The following PPFIA2 variants were observed in gnomAD, a reference collection of about 807,000 sequenced individuals.
PPFIA2 encodes the protein liprin-alpha-2.
A neutral mutation model predicts 175.5 loss-of-function variants in PPFIA2; 46 were observed. That is an observed-to-expected ratio of 0.26 (90% CI 0.21 to 0.34). PPFIA2 has a LOEUF of 0.34. Among genes scored for constraint, PPFIA2 ranks in the 10% least tolerant of loss-of-function variants. PPFIA2 has a pLI of 1.00. For missense variants in PPFIA2, 1,179 were observed against 1,506.1 expected, an observed-to-expected ratio of 0.78 and a Z score of 3.60; for synonymous variants, 568 against 511.4, an observed-to-expected ratio of 1.11 and a Z score of -1.49.
chr12:81,720,307 G>A (rs537713624), intron 3 of PPFIA2, among the ~76,000 whole-genome samples: 1 of 151,586 alleles, frequency 6.6e-6, no homozygotes, highest in African/African-American at 2.4e-5. Context: ...TGCTTTGGGG[G>A]AAAAATTGCT....
intron 4 of PPFIA2, among the ~76,000 whole-genome samples, chr12:81,501,488 T>C (rs747694304): frequency 8.5e-5 from 13 of 152,164 alleles, no homozygotes; most frequent in Non-Finnish European, 2.9e-5. Context: ...GTAAGCTCCA[T>C]GATACAGGCA....
intron 3 of PPFIA2, among the ~76,000 whole-genome samples, chr12:81,706,246 T>A (rs551177581): frequency 6.6e-6 from 1 of 152,180 alleles, no homozygotes; most frequent in Admixed American, 6.5e-5. Flanking sequence ...AGCATAAAAG[T>A]TTAACACTAT....
intron 4 of PPFIA2, among the ~76,000 whole-genome samples, chr12:81,654,993 G>A (rs2067554315): frequency 1.3e-5 from 2 of 152,026 alleles, no homozygotes; most frequent in Admixed American, 1.3e-4. Context: ...TTTCTTTTAT[G>A]TGAAGTATCA....
At chr12:81,502,003 G>A (rs1461405585) in intron 4 of PPFIA2, among the ~76,000 whole-genome samples, 5 of 152,124 alleles carry the variant, frequency 3.3e-5, no homozygotes, top group East Asian at 1.9e-4. Flanking sequence ...AAAAAGGGAC[G>A]TGCAGTTTTC....
chr12:81,486,233 C>T (rs1567023943), intron 4 of PPFIA2, among the ~76,000 whole-genome samples: 1 of 151,332 alleles, frequency 6.6e-6, no homozygotes, highest in African/African-American at 2.4e-5. Context: ...GAAATAGTGG[C>T]ACAAAGAGTT....
chr12:81,268,124 T>TTTTA, intron 28 of PPFIA2, 37 bp from the exon 29 acceptor site: 4 of 1,105,842 alleles, frequency 3.6e-6, no homozygotes, highest in South Asian at 1.6e-5. Context: ...GATGCATTAT[T>TTTTA]TTTCTTTCTT....
At chr12:81,551,781 A>C (rs2067970383) in intron 4 of PPFIA2, among the ~76,000 whole-genome samples, 1 of 151,966 alleles carries the variant, frequency 6.6e-6, no homozygotes, top group Non-Finnish European at 1.5e-5. Context: ...AAATAAGCAT[A>C]TTTATGTATC....
At chr12:81,679,711 T>C (rs2073245793) in intron 3 of PPFIA2, among the ~76,000 whole-genome samples, 2 of 151,956 alleles carry the variant, frequency 1.3e-5, no homozygotes, top group Admixed American at 6.6e-5. Flanking sequence ...AATCATTCAA[T>C]TGTAAAAAAA....
chr12:81,423,552 A>G (rs1338536849), intron 7 of PPFIA2, among the ~76,000 whole-genome samples: 1 of 152,200 alleles, frequency 6.6e-6, no homozygotes, highest in African/African-American at 2.4e-5. Flanking sequence ...ACATCTATTT[A>G]TGAAAAATAT....
intron 4 of PPFIA2, among the ~76,000 whole-genome samples, chr12:81,605,289 A>G (rs1232715499): frequency 6.6e-6 from 1 of 151,744 alleles, no homozygotes; most frequent in African/African-American, 2.4e-5. Flanking sequence ...TTAATTTTTG[A>G]TAAATGGTCA....
chr12:81,332,621 T>C (rs960291724), intron 21 of PPFIA2, among the ~76,000 whole-genome samples: 2 of 152,230 alleles, frequency 1.3e-5, no homozygotes, highest in Non-Finnish European at 2.9e-5. Context: ...TTCATTTATA[T>C]GGGATATCCT....
At chr12:81,685,733 G>A (rs1287883001) in intron 3 of PPFIA2, among the ~76,000 whole-genome samples, 1 of 152,028 alleles carries the variant, frequency 6.6e-6, no homozygotes, top group Non-Finnish European at 1.5e-5. Flanking sequence ...AGGGGTTGTG[G>A]TGTTAAATTT....
chr12:81,426,636 C>T, intron 7 of PPFIA2, among the ~76,000 whole-genome samples: 1 of 151,996 alleles, frequency 6.6e-6, no homozygotes, highest in Non-Finnish European at 1.5e-5. Context: ...AAAATTAAGT[C>T]AATTAATGTA....
intron 7 of PPFIA2, among the ~76,000 whole-genome samples, chr12:81,431,970 A>G (rs1257921524): frequency 6.6e-6 from 1 of 152,104 alleles, no homozygotes; most frequent in Non-Finnish European, 1.5e-5. Context: ...CTTTTGTAGC[A>G]CCATCTGTTT....
Position 81,362,420 on chromosome 12 carries a change from A to C in PPFIA2, c.1637+273T>G, listed in dbSNP as rs1447452328. Among the ~76,000 whole-genome samples, 4 of 151,334 alleles carry C rather than the reference A, an allele frequency of 2.6e-5. No homozygotes were observed. In the East Asian group the frequency reaches 7.7e-4, roughly 29 times the overall value. On this transcript the variant is annotated intron_variant, in intron 15 of 32. Transcript: ENST00000549396. ...CCCTGTACACAGTTCAATTTCTTCA[A>C]TTAAGAATCTTTTAATATATTTATA...
intron 4 of PPFIA2, among the ~76,000 whole-genome samples, chr12:81,585,122 T>C (rs918092925): frequency 7.2e-6 from 1 of 139,194 alleles, no homozygotes; most frequent in African/African-American, 2.7e-5. Context: ...ATATATAGCA[T>C]AAAATAATAA....
At chr12:81,591,218 T>C (rs1255995371) in intron 4 of PPFIA2, among the ~76,000 whole-genome samples, 1 of 152,114 alleles carries the variant, frequency 6.6e-6, no homozygotes, top group Non-Finnish European at 1.5e-5. Context: ...AACTTTGAAC[T>C]TGAGAGAGAT....
intron 4 of PPFIA2, among the ~76,000 whole-genome samples, chr12:81,555,347 A>G (rs1251248768): frequency 2.0e-5 from 3 of 152,004 alleles, no homozygotes; most frequent in Non-Finnish European, 2.9e-5. Flanking sequence ...TTTAAGACAT[A>G]TGGTATGTAA....
In PPFIA2 at chr12:81,259,131, G is replaced by A. The variant is rs1259525051; in HGVS notation, c.*563C>T. On this transcript the variant is annotated 3_prime_UTR_variant, in exon 33 of 33. Coordinates refer to ENST00000549396, the MANE Select transcript of PPFIA2 (RefSeq NM_003625.5). ...GCTTTAAGTATTGACAGACTTGAAG[G>A]AGAAACACGTTGAAGCATGAAACAT... The A allele has an allele frequency of 5.2e-6, 1 of 190,862 alleles. No individual in the cohort carries two copies. The highest frequency in any genetic ancestry group is 6.1e-5 in the Admixed American group (1 of 16,392). The allele number at this position is 190,862 out of a possible 1,614,324, so 11.8% of individuals were successfully genotyped here.
Sources: gnomAD v4.1 joint callset for allele counts (sites outside exome capture counted in the v4.1 genomes callset) on GRCh38, gnomAD v4.1.1 for gene constraint, MANE v1.5 for transcripts, NCBI Gene and HGNC (gene_info 2026-07-23, HGNC 2026-07-21) for gene names.